The following NSUN3 variants were observed in gnomAD, a reference collection of about 807,000 sequenced individuals.
NSUN3 encodes the protein tRNA (cytosine(34)-C(5))-methyltransferase, mitochondrial.
In NSUN3, 24 loss-of-function variants were observed where a neutral mutation model predicts 36.8. That is an observed-to-expected ratio of 0.65 (90% CI 0.47 to 0.92). The LOEUF (loss-of-function observed/expected upper bound fraction) is 0.92. Ranked by LOEUF, NSUN3 falls within the 40% of genes least tolerant of loss-of-function variation. NSUN3 has a pLI of 0.00. For missense variants in NSUN3, 381 were observed against 392.8 expected (o/e 0.97, Z 0.25); for synonymous variants, 146 against 145.2 (o/e 1.01, Z -0.04).
At chr3:94,080,383 C>T (rs1396980701) in intron 2 of NSUN3, among the ~76,000 whole-genome samples, 2 of 152,136 alleles carry the variant, frequency 1.3e-5, no homozygotes, top group African/African-American at 2.4e-5. Context: ...GGATACACAG[C>T]GGTCAGATAC....
At chr3:94,075,738 C>T (rs528435978) in intron 2 of NSUN3, among the ~76,000 whole-genome samples, 5 of 151,996 alleles carry the variant, frequency 3.3e-5, no homozygotes, top group African/African-American at 4.8e-5. Flanking sequence ...AAGCCCCCCC[C>T]CCCAATAATA....
At chr3:94,116,403 G>A (rs796959231) in intron 5 of NSUN3, among the ~76,000 whole-genome samples, 5 of 152,064 alleles carry the variant, frequency 3.3e-5, no homozygotes, top group Non-Finnish European at 7.4e-5. Context: ...ATACAGACAC[G>A]CAGATCAAAA....
chr3:94,076,607 C>T (rs1301272970), intron 2 of NSUN3: 2 of 899,082 alleles, frequency 2.2e-6, no homozygotes, highest in Admixed American at 3.4e-5. Context: ...AAGTAAGTGC[C>T]CACTGAGATT....
At chr3:94,097,254 A>G (rs1349980538) in intron 5 of NSUN3, among the ~76,000 whole-genome samples, 4 of 152,234 alleles carry the variant, frequency 2.6e-5, no homozygotes, top group African/African-American at 9.6e-5. Context: ...ATGCCCAACC[A>G]AATATCAGCT....
chr3:94,096,130 C>T (rs537473564), intron 5 of NSUN3, among the ~76,000 whole-genome samples: 3 of 152,174 alleles, frequency 2.0e-5, no homozygotes, highest in South Asian at 2.1e-4. Context: ...ACCTCTTGCA[C>T]GTAGAAAGAC....
intron 5 of NSUN3, among the ~76,000 whole-genome samples, chr3:94,105,381 C>A (rs1032267488): frequency 6.6e-6 from 1 of 152,294 alleles, no homozygotes; most frequent in South Asian, 2.1e-4. Flanking sequence ...CTGCCACTCA[C>A]TACAGGAATT....
chr3:94,076,214 T>C (rs2077245101), intron 2 of NSUN3: 3 of 918,366 alleles, frequency 3.3e-6, no homozygotes, highest in Non-Finnish European at 5.5e-6. Flanking sequence ...AGGTGACTAC[T>C]GAACCTGGAA....
intron 1 of NSUN3, 159 bp downstream of exon 1, chr3:94,063,297 A>T (rs755641915): frequency 9.1e-6 from 7 of 769,482 alleles, no homozygotes; most frequent in Non-Finnish European, 1.6e-5. Context: ...CCCTGAAATA[A>T]TGCTGAGTGC....
rs1245144810 is a variant in NSUN3 at position 94,126,810 on chromosome 3, T to C, written c.*320T>C. On this transcript the variant is annotated 3_prime_UTR_variant, in exon 6 of 6. Transcript: ENST00000314622. Reference sequence around the variant, plus strand: ...GCATAACGTGTTTAGTTCTGTATTCTTTCTATGATAGTGCTTTGAACCTTC... The same window carrying C: ...GCATAACGTGTTTAGTTCTGTATTCCTTCTATGATAGTGCTTTGAACCTTC... The C allele has an allele frequency of 9.8e-6, 2 of 203,478 alleles. No individual in the cohort carries two copies. Among genetic ancestry groups the C allele is most frequent in the Non-Finnish European group, 2.0e-5 (2 of 100,356 alleles). The allele number at this position is 203,478 out of a possible 1,614,324, so 12.6% of individuals were successfully genotyped here.
chr3:94,121,538 A>G (rs1038547348), intron 5 of NSUN3, among the ~76,000 whole-genome samples: 1 of 152,090 alleles, frequency 6.6e-6, no homozygotes, highest in East Asian at 1.9e-4. Flanking sequence ...CTACCGCAGG[A>G]TATTTATTAT....
intron 5 of NSUN3, among the ~76,000 whole-genome samples, chr3:94,104,362 G>C (rs981448791): frequency 1.3e-5 from 2 of 152,138 alleles, no homozygotes; most frequent in African/African-American, 4.8e-5. Flanking sequence ...AAGCTTGATA[G>C]TGGATAAGGT....
intron 5 of NSUN3, among the ~76,000 whole-genome samples, chr3:94,125,684 G>C (rs553879083): frequency 2.6e-5 from 4 of 152,286 alleles, no homozygotes; most frequent in East Asian, 1.9e-4. Context: ...CAATCAACCA[G>C]TCTAACTTAC....
chr3:94,084,491 T>C, intron 3 of NSUN3, 41 bp downstream of exon 3: 1 of 1,429,454 alleles, frequency 7.0e-7, no homozygotes, highest in Non-Finnish European at 9.6e-7. Context: ...CTTTTTAATA[T>C]CTGTATGTTA....
At chr3:94,090,136 G>A (rs1301146352) in intron 3 of NSUN3, among the ~76,000 whole-genome samples, 1 of 151,998 alleles carries the variant, frequency 6.6e-6, no homozygotes, top group South Asian at 2.1e-4. Flanking sequence ...TTGGACCAAA[G>A]ATTGCCATGT....
chr3:94,110,314 A>T (rs184589631), intron 5 of NSUN3, among the ~76,000 whole-genome samples: 51 of 151,572 alleles, frequency 3.4e-4, no homozygotes, highest in Non-Finnish European at 5.6e-4. Flanking sequence ...ACTTTCATTG[A>T]TAGGAAGTTA....
At chr3:94,107,150 C>CA in intron 5 of NSUN3, among the ~76,000 whole-genome samples, 1 of 152,122 alleles carries the variant, frequency 6.6e-6, no homozygotes, top group East Asian at 1.9e-4. Context: ...AGGCTGGTCT[C>CA]AAACTCCTGG....
intron 5 of NSUN3, among the ~76,000 whole-genome samples, chr3:94,113,553 G>A (rs2077427151): frequency 6.6e-6 from 1 of 152,086 alleles, no homozygotes; most frequent in African/African-American, 2.4e-5. Context: ...AGGCTAAAGG[G>A]GGACTTCAGA....
intron 5 of NSUN3, among the ~76,000 whole-genome samples, chr3:94,125,035 A>C (rs1185461364): frequency 6.6e-6 from 1 of 152,144 alleles, no homozygotes; most frequent in African/African-American, 2.4e-5. Flanking sequence ...TTAACTTCCA[A>C]ATACTTCTAC....
intron 2 of NSUN3, among the ~76,000 whole-genome samples, chr3:94,079,842 G>C (rs762404603): frequency 6.6e-6 from 1 of 151,920 alleles, no homozygotes. Flanking sequence ...CTTTTTTCAA[G>C]GTTCTTAGCT....
Sources: allele counts gnomAD v4.1 joint callset (sites outside exome capture counted in the v4.1 genomes callset), GRCh38; gene constraint gnomAD v4.1.1; transcripts MANE v1.5; gene names NCBI Gene and HGNC (gene_info 2026-07-23, HGNC 2026-07-21).